Variants in TRIM67 observed in about 807,000 individuals in gnomAD.
TRIM67 encodes tripartite motif containing 67, also known as tripartite motif-containing protein 67.
In TRIM67, 39 loss-of-function variants were observed where a neutral mutation model predicts 71.0. The ratio of observed to expected loss-of-function variants is 0.55; its 90% CI spans 0.43 to 0.72. The LOEUF (loss-of-function observed/expected upper bound fraction) is 0.72, where lower values mean the gene tolerates loss of function less well. TRIM67 is among the 30% of genes least tolerant of loss of function. The pLI is 0.00. For synonymous variants in TRIM67, 481 were observed against 473.9 expected (o/e 1.01, Z -0.19); for missense variants, 973 against 1,079.2 (o/e 0.90, Z 1.38).
chr1:231,167,358 T>C (rs764292903), intron 1 of TRIM67, among the ~76,000 whole-genome samples: 31 of 87,956 alleles, frequency 3.5e-4, no homozygotes, highest in East Asian at 1.3e-3. Flanking sequence ...AGTCTCGCTC[T>C]GTCGCCCAGG....
intron 1 of TRIM67, among the ~76,000 whole-genome samples, chr1:231,194,132 G>A (rs1158707477): frequency 6.6e-6 from 1 of 152,200 alleles, no homozygotes; most frequent in East Asian, 1.9e-4. Context: ...CCAGGTCTGT[G>A]TGTTCTGTTG....
At chr1:231,173,757 T>C (rs773212289) in intron 1 of TRIM67, among the ~76,000 whole-genome samples, 2 of 152,186 alleles carry the variant, frequency 1.3e-5, no homozygotes, top group Non-Finnish European at 2.9e-5. Context: ...GGGTGTGATG[T>C]TTCTTTTCTA....
chr1:231,163,573 G>T lies in TRIM67; in HGVS notation c.604G>T (p.Ala202Ser), dbSNP rs1682358713. The change falls in exon 1 of 10, where the codon GCC (alanine) becomes TCC (serine). Residue 202 changes from alanine to serine, a missense_variant. Physicochemically the swap from Ala to Ser is moderately conservative, Grantham distance 99. Transcript: ENST00000366653. Reference sequence around the variant, plus strand: ...CGGGGCCGTGCCGGGGACGTCTGCAGCCGCGGCGGTGGCCATCTGCCAGCT... The same window carrying T: ...CGGGGCCGTGCCGGGGACGTCTGCATCCGCGGCGGTGGCCATCTGCCAGCT... ...GRGAVPGTSA[A>S]AAVAICQLCD... 5.9e-6 allele frequency: 9 copies of T among 1,513,894 alleles called. No individual in the cohort carries two copies. Among genetic ancestry groups the T allele is most frequent in the Non-Finnish European group, 7.9e-6 (9 of 1,136,626 alleles). 93.8% of individuals were successfully genotyped at this position (1,513,894 alleles called of 1,614,324 possible). A position where few individuals can be genotyped will look rare whatever the true frequency, so the allele number is the denominator to read the frequency against.
intron 1 of TRIM67, among the ~76,000 whole-genome samples, chr1:231,174,500 CT>C (rs1437828660): frequency 6.6e-6 from 1 of 152,008 alleles, no homozygotes. Context: ...TCTTTAATCA[CT>C]TTTTTTGTTT....
At chr1:231,167,071 C>T (rs2102710969) in intron 1 of TRIM67, among the ~76,000 whole-genome samples, 1 of 152,218 alleles carries the variant, frequency 6.6e-6, no homozygotes, top group East Asian at 1.9e-4. Flanking sequence ...GTGCAGATGG[C>T]CAGCTCTGAA....
chr1:231,215,798 A>G lies in TRIM67; in HGVS notation c.*358A>G. The G allele has an allele frequency of 9.5e-7, 1 of 1,053,396 alleles. No individual in the cohort carries two copies. Among genetic ancestry groups the G allele is most frequent in the Admixed American group, 5.4e-5 (1 of 18,368 alleles). 65.3% of individuals were successfully genotyped at this position (1,053,396 alleles called of 1,614,324 possible). A position where few individuals can be genotyped will look rare whatever the true frequency, so the allele number is the denominator to read the frequency against. On this transcript the variant is annotated 3_prime_UTR_variant, in exon 10 of 10. Transcript: ENST00000366653. Reference sequence around the variant, plus strand: ...CTTGTCTTTTTTTGGAGGGAGAGGAAGGTAGACTTTGAGACTGGCCTCCTG... The same window carrying G: ...CTTGTCTTTTTTTGGAGGGAGAGGAGGGTAGACTTTGAGACTGGCCTCCTG...
chr1:231,186,159 C>T lies in TRIM67; in HGVS notation c.1045-11212C>T, dbSNP rs528811934. ...GAAGGGCTTGACAGCCAGGCTGAGG[C>T]GCTCCCTCTTTGTTCTGCATGAATC... On this transcript the variant is annotated intron_variant, in intron 1 of 9. Transcript: ENST00000366653. The T allele has an allele frequency of 6.6e-5, 101 of 1,531,038 alleles. 2 individuals are homozygous for T. The African/African-American group carries it at 8.0e-4, about 12-fold the overall frequency. 94.8% of individuals were successfully genotyped at this position (1,531,038 alleles called of 1,614,324 possible).
chr1:231,217,023 C>A lies in TRIM67; in HGVS notation c.*1583C>A, dbSNP rs772096870. 4.4e-4 allele frequency: 437 copies of A among 985,800 alleles called. No homozygotes were observed. Among genetic ancestry groups the A allele is most frequent in the Non-Finnish European group, 4.8e-4 (402 of 829,950 alleles). The allele number at this position is 985,800 out of a possible 1,614,324, so 61.1% of individuals were successfully genotyped here. ...TTTATAAAATTCGCCCATTCACCAG[C>A]ACCAACTGTGCGTCCTTGGTTCTGC... On this transcript the variant is annotated 3_prime_UTR_variant, in exon 10 of 10. Coordinates refer to ENST00000366653, the MANE Select transcript of TRIM67 (RefSeq NM_001004342.5).
chr1:231,213,613 C>T (rs955175497), intron 8 of TRIM67, among the ~76,000 whole-genome samples: 2 of 152,106 alleles, frequency 1.3e-5, no homozygotes, highest in Non-Finnish European at 2.9e-5. Flanking sequence ...CGCCTGTAGT[C>T]CCAGCTACTC....
chr1:231,192,866 C>T (rs753268730), intron 1 of TRIM67, among the ~76,000 whole-genome samples: 18 of 152,244 alleles, frequency 1.2e-4, no homozygotes, highest in Non-Finnish European at 2.6e-4. Context: ...GTCCGCTGAA[C>T]CGTGAGACTG....
At position 231,218,593 on chromosome 1, in the gene TRIM67, C is replaced by T. The variant is rs1252571660; in HGVS notation, c.*3153C>T. ...TATTTCCCCAAAGCCTGCTTTTCCT[C>T]TCTCTGTTCTCCTTGGGAAAATAAT... is the stretch of plus-strand genomic sequence containing the variant. On this transcript the variant is annotated 3_prime_UTR_variant, in exon 10 of 10. Transcript: ENST00000366653. 6 of 985,380 alleles carry T rather than the reference C, an allele frequency of 6.1e-6. No individual in the cohort carries two copies. The highest frequency in any genetic ancestry group is 7.2e-6 in the Non-Finnish European group (6 of 829,980). 61.0% of individuals were successfully genotyped at this position (985,380 alleles called of 1,614,324 possible).
rs192610363 is a variant in TRIM67 at position 231,217,033 on chromosome 1, G to A, written c.*1593G>A. 5.2e-5 allele frequency: 51 copies of A among 985,894 alleles called. No individual in the cohort carries two copies. Among genetic ancestry groups the A allele is most frequent in the Non-Finnish European group, 6.0e-5 (50 of 829,940 alleles). The allele number at this position is 985,894 out of a possible 1,614,324, so 61.1% of individuals were successfully genotyped here. On this transcript the variant is annotated 3_prime_UTR_variant, in exon 10 of 10. Coordinates refer to ENST00000366653, the MANE Select transcript of TRIM67 (RefSeq NM_001004342.5). Reference sequence around the variant, plus strand: ...TCGCCCATTCACCAGCACCAACTGTGCGTCCTTGGTTCTGCCTTCCTGTTC... The same window carrying A: ...TCGCCCATTCACCAGCACCAACTGTACGTCCTTGGTTCTGCCTTCCTGTTC...
chr1:231,175,632 A>G (rs1032414439), intron 1 of TRIM67, among the ~76,000 whole-genome samples: 1 of 152,350 alleles, frequency 6.6e-6, no homozygotes, highest in Non-Finnish European at 1.5e-5. Context: ...CTTTTTACAA[A>G]GGGCAGTAAA....
Position 231,163,667 on chromosome 1 carries a change from C to T in TRIM67, c.698C>T (p.Ala233Val), listed in dbSNP as rs1682362021. ...CEQCDVLYCSACQLKCHPSRG... is the reference protein window; with the variant it reads ...CEQCDVLYCSVCQLKCHPSRG... ...CAGTGCGACGTCCTCTACTGCTCTG[C>T]CTGCCAGCTCAAGTGCCATCCATCC... Residue 233 changes from alanine (A) to valine (V), a missense_variant, in exon 1 of 10, where the codon GCC becomes GTC. Coordinates refer to ENST00000366653, the MANE Select transcript of TRIM67 (RefSeq NM_001004342.5). 1.3e-6 allele frequency: 2 copies of T among 1,517,754 alleles called. No homozygotes were observed. The highest frequency in any genetic ancestry group is 5.4e-5 in the East Asian group (2 of 36,996). 94.0% of individuals were successfully genotyped at this position (1,517,754 alleles called of 1,614,324 possible).
chr1:231,208,210 G>T (rs1188168879), intron 7 of TRIM67, among the ~76,000 whole-genome samples: 2 of 147,684 alleles, frequency 1.4e-5, no homozygotes, highest in African/African-American at 5.0e-5. Flanking sequence ...GTCTTGATCT[G>T]TCGCCCAAGC....
intron 1 of TRIM67, among the ~76,000 whole-genome samples, chr1:231,192,465 C>T (rs539612364): frequency 6.6e-6 from 1 of 152,304 alleles, no homozygotes; most frequent in Non-Finnish European, 1.5e-5. Flanking sequence ...CAGGTATGAG[C>T]CACTGCTCCA....
At chr1:231,165,801 C>T (rs962013969) in intron 1 of TRIM67, among the ~76,000 whole-genome samples, 2 of 152,136 alleles carry the variant, frequency 1.3e-5, no homozygotes, top group Non-Finnish European at 2.9e-5. Context: ...ACAAGAAGTA[C>T]AGATTCCAAA....
rs1325614891 is a variant in TRIM67 at position 231,220,832 on chromosome 1, G to C, written c.*5392G>C. 1 of 152,320 alleles carries C rather than the reference G, an allele frequency of 6.6e-6. No homozygotes were observed. Among genetic ancestry groups the C allele is most frequent in the Non-Finnish European group, 1.5e-5 (1 of 68,102 alleles). 9.4% of individuals were successfully genotyped at this position (152,320 alleles called of 1,614,324 possible). On this transcript the variant is annotated 3_prime_UTR_variant, in exon 10 of 10. Coordinates refer to ENST00000366653, the MANE Select transcript of TRIM67 (RefSeq NM_001004342.5). ...CCTGGGAAAGGCCTAGGGACCTGTG[G>C]GCCGGTGATGCGGGCACTGCAGACC... is the stretch of plus-strand genomic sequence containing the variant.
At chr1:231,181,399 G>A (rs1351214700) in intron 1 of TRIM67, among the ~76,000 whole-genome samples, 1 of 152,224 alleles carries the variant, frequency 6.6e-6, no homozygotes, top group African/African-American at 2.4e-5. Flanking sequence ...AGCTGCAGGT[G>A]ACCTGCAATG....
Sources: allele counts gnomAD v4.1 joint callset (sites outside exome capture counted in the v4.1 genomes callset), GRCh38; gene constraint gnomAD v4.1.1; transcripts MANE v1.5; gene names NCBI Gene and HGNC (gene_info 2026-07-23, HGNC 2026-07-21).